The following PCDHGB4 variants were observed in gnomAD, a reference collection of about 807,000 sequenced individuals.
The protein encoded by PCDHGB4 is protocadherin gamma subfamily B, 4.
A neutral mutation model predicts 60.5 loss-of-function variants in PCDHGB4; 38 were observed. That is an observed-to-expected ratio of 0.63 (90% CI 0.48 to 0.82). PCDHGB4 has a LOEUF of 0.82. Among genes scored for constraint, PCDHGB4 ranks in the 40% least tolerant of loss-of-function variants. The pLI is 0.00. For missense variants in PCDHGB4, 1,109 were observed against 1,209.6 expected (o/e 0.92, Z 1.23); for synonymous variants, 456 against 509.7 (o/e 0.89, Z 1.42).
At position 141,431,108 on chromosome 5, in the gene PCDHGB4, T is replaced by C; in HGVS notation, c.2397+40827T>C. 1 of 1,614,180 alleles carries C rather than the reference T, an allele frequency of 6.2e-7. No homozygotes were observed. The highest frequency in any genetic ancestry group is 8.5e-7 in the Non-Finnish European group (1 of 1,180,032). On this transcript the variant is annotated intron_variant, in intron 1 of 3. Coordinates refer to ENST00000519479, the MANE Select transcript of PCDHGB4 (RefSeq NM_003736.4). This position sits in a 1 kb window ranked among gnomAD's most constrained non-coding sequence, Gnocchi z 4.8. ...TCTGATGGAGGATAAAGTGAAAATATATGGAGTAGAAGTAGAAGTAAGGGA... is the reference window on the plus strand; with the variant it reads ...TCTGATGGAGGATAAAGTGAAAATACATGGAGTAGAAGTAGAAGTAAGGGA...
chr5:141,469,296 A>T (rs2099196287), intron 1 of PCDHGB4, among the ~76,000 whole-genome samples: 1 of 149,742 alleles, frequency 6.7e-6, no homozygotes, highest in Non-Finnish European at 1.5e-5. Context: ...AACAAAATAG[A>T]CTGGGCACGA....
At chr5:141,462,893 G>A (rs577241413) in intron 1 of PCDHGB4, among the ~76,000 whole-genome samples, 68 of 152,170 alleles carry the variant, frequency 4.5e-4, no homozygotes, top group African/African-American at 1.4e-3. Context: ...AGTTTGTTTT[G>A]GAAGGCTATT....
At chr5:141,427,992 T>C in intron 1 of PCDHGB4, 1 of 1,599,002 alleles carries the variant, frequency 6.3e-7, no homozygotes, top group Non-Finnish European at 8.6e-7. Context: ...GCCCGATGGC[T>C]CCGCACTCTT....
Position 141,390,222 on chromosome 5 carries a change from G to A in PCDHGB4, c.2338G>A (p.Gly780Ser), listed in dbSNP as rs758225583. The A allele has an allele frequency of 1.1e-5, 18 of 1,613,904 alleles. 1 individual carries two copies. In the Middle Eastern group the frequency reaches 9.9e-4, roughly 88 times the overall value. ...QLSSGQDILCGDSSGALFPLC... is the reference protein window; with the variant it reads ...QLSSGQDILCSDSSGALFPLC... ...GAGTTCAGGACAAGACATACTTTGC[G>A]GTGATTCATCTGGGGCCTTATTTCC... Residue 780 changes from glycine to serine, a missense_variant, in exon 1 of 4, where the codon GGT becomes AGT. By Grantham distance (56) the Gly-to-Ser change is moderately conservative (BLOSUM62 0). This residue lies in a region of PCDHGB4 where 1,068 missense variants were observed against 1,089.9 expected (regional missense o/e 0.98). Transcript: ENST00000519479.
chr5:141,394,076 A>C (rs1329419086), intron 1 of PCDHGB4: 1 of 1,613,896 alleles, frequency 6.2e-7, no homozygotes, highest in Admixed American at 1.7e-5. Flanking sequence ...ACAATATCAC[A>C]GTGATGGCCT....
rs561548499 is a variant in PCDHGB4, at chr5:141,414,930, C to T, written c.2397+24649C>T. On this transcript the variant is annotated intron_variant, in intron 1 of 3. Coordinates refer to ENST00000519479, the MANE Select transcript of PCDHGB4 (RefSeq NM_003736.4). ...CAGGCGTGGAGCTGGCGCCCCGCTC[C>T]GCAGAGCCCGGCTACCTGGTGACCA... 1.9e-6 allele frequency: 3 copies of T among 1,614,156 alleles called. No homozygotes were observed. The South Asian group carries it at 3.3e-5, about 18-fold the overall frequency.
In PCDHGB4 at chr5:141,431,827, TC is replaced by T. The variant is rs571306928; in HGVS notation, c.2397+41549del. 1.2e-3 allele frequency: 2,007 copies of T among 1,614,226 alleles called. No individual in the cohort carries two copies. The highest frequency in any genetic ancestry group is 1.5e-3 in the Non-Finnish European group (1,827 of 1,180,024). On this transcript the variant is annotated intron_variant, in intron 1 of 3. Coordinates refer to ENST00000519479, the MANE Select transcript of PCDHGB4 (RefSeq NM_003736.4). This position sits in a 1 kb window ranked among gnomAD's most constrained non-coding sequence, Gnocchi z 4.8. ...TCCTCACCTCTCTCGCCAGCTCGGT[TC>T]CCGAAAACTCTCCCAGAGGGACATT...
chr5:141,493,808 C>T lies in PCDHGB4; in HGVS notation c.2398-999C>T, dbSNP rs2099750260. On this transcript the variant is annotated intron_variant, in intron 1 of 3. Transcript: ENST00000519479. The surrounding 1 kb of genome is among the most constrained non-coding windows in gnomAD (Gnocchi z 4.3). ...CTTCTCCCTGGAGTAATCTGAGATA[C>T]TCACACTCTCTGCTTCTGGGAGCAA... is the stretch of plus-strand genomic sequence containing the variant. 6.6e-6 allele frequency among the ~76,000 whole-genome samples: 1 copy of T among 152,200 alleles called. No individual in the cohort carries two copies. The highest frequency in any genetic ancestry group is 1.5e-5 in the Non-Finnish European group (1 of 68,042).
In PCDHGB4 at chr5:141,511,352, C is replaced by A. The variant is rs2099883742; in HGVS notation, c.*179C>A. The A allele has an allele frequency of 3.6e-6, 5 of 1,381,248 alleles. No homozygotes were observed. The highest frequency in any genetic ancestry group is 2.7e-4 in the Middle Eastern group (1 of 3,772). 85.6% of individuals were successfully genotyped at this position (1,381,248 alleles called of 1,614,324 possible). ...CAGTCAGCACCTACCCCTTCCCCCCCAGGGGGTTGAATATGCAAAAGCAGT... is the reference window on the plus strand; with the variant it reads ...CAGTCAGCACCTACCCCTTCCCCCCAAGGGGGTTGAATATGCAAAAGCAGT... On this transcript the variant is annotated 3_prime_UTR_variant, in exon 4 of 4. Coordinates refer to ENST00000519479, the MANE Select transcript of PCDHGB4 (RefSeq NM_003736.4).
chr5:141,433,209 T>A, intron 1 of PCDHGB4: 3 of 465,024 alleles, frequency 6.5e-6, no homozygotes, highest in South Asian at 1.0e-4. Context: ...ATCTTCTTTC[T>A]TTTTTTTTTT....
At chr5:141,416,947 T>G (rs1436457377) in intron 1 of PCDHGB4, 1 of 152,184 alleles carries the variant, frequency 6.6e-6, no homozygotes, top group Non-Finnish European at 1.5e-5. Flanking sequence ...CCATTGAAAC[T>G]ATTATTTTAT....
Position 141,476,949 on chromosome 5 carries a change from A to G in PCDHGB4, c.2398-17858A>G. The stretch of plus-strand genomic sequence containing the variant: ...GATCTGGATGAAGGCCCCAACGGTG[A>G]AATTATTTACTCCTTCGGCAGCCAC... On this transcript the variant is annotated intron_variant, in intron 1 of 3. Transcript: ENST00000519479. The surrounding 1 kb of genome is among the most constrained non-coding windows in gnomAD (Gnocchi z 7.6). 6.2e-7 allele frequency: 1 copy of G among 1,614,200 alleles called. No individual in the cohort carries two copies. Among genetic ancestry groups the G allele is most frequent in the Admixed American group, 1.7e-5 (1 of 60,038 alleles).
chr5:141,403,685 C>T, intron 1 of PCDHGB4: 4 of 1,613,822 alleles, frequency 2.5e-6, no homozygotes, highest in Non-Finnish European at 3.4e-6. Flanking sequence ...TTTTGCTCAA[C>T]GGATTTACCG....
At chr5:141,422,966 C>A (rs762530904) in intron 1 of PCDHGB4, 1 of 1,614,112 alleles carries the variant, frequency 6.2e-7, no homozygotes, top group Admixed American at 1.7e-5. Flanking sequence ...GAGCTGGCGC[C>A]CCGCTCTGCG....
chr5:141,404,879 G>C (rs770577946), intron 1 of PCDHGB4: 1 of 1,613,906 alleles, frequency 6.2e-7, no homozygotes, highest in Non-Finnish European at 8.5e-7. Flanking sequence ...ACAGAGCCTT[G>C]TGGTGGCTGT....
intron 2 of PCDHGB4, among the ~76,000 whole-genome samples, chr5:141,499,983 C>T (rs765029745): frequency 5.3e-5 from 8 of 151,352 alleles, no homozygotes; most frequent in African/African-American, 9.7e-5. Context: ...CCACCTTGCC[C>T]GGCCAGATGA....
intron 1 of PCDHGB4, chr5:141,478,583 C>CT (rs754743497): frequency 5.7e-6 from 9 of 1,578,146 alleles, no homozygotes; most frequent in South Asian, 1.1e-5. Flanking sequence ...CCTGTTAGTG[C>CT]TTTTTTATTC....
intron 1 of PCDHGB4, among the ~76,000 whole-genome samples, chr5:141,456,464 A>T (rs1430885015): frequency 6.6e-6 from 1 of 152,192 alleles, no homozygotes; most frequent in Non-Finnish European, 1.5e-5. Flanking sequence ...TCAATACAAG[A>T]CATATAAGCA....
At chr5:141,430,950 T>C (rs756423770) in intron 1 of PCDHGB4, 5 of 1,609,980 alleles carry the variant, frequency 3.1e-6, no homozygotes, top group East Asian at 2.2e-5. Flanking sequence ...GAGCGCGGAG[T>C]CCGCATCATC....
Sources: gnomAD v4.1 joint callset for allele counts (sites outside exome capture counted in the v4.1 genomes callset) on GRCh38, gnomAD v4.1.1 for gene constraint, gnomAD v4.1.1 regional missense constraint, Gnocchi (gnomAD v3.1) non-coding constraint, MANE v1.5 for transcripts, NCBI Gene and HGNC (gene_info 2026-07-23, HGNC 2026-07-21) for gene names.